Variants in FAF1 observed in about 807,000 individuals in gnomAD.
FAF1 encodes Fas associated factor 1, also known as FAS-associated factor 1.
FAF1 carries 25 observed loss-of-function variants against 92.5 expected under a neutral mutation model. The observed-to-expected ratio is 0.27, with a 90% CI of 0.20 to 0.38. The LOEUF (loss-of-function observed/expected upper bound fraction) is 0.38, where lower values mean the gene tolerates loss of function less well. FAF1 is among the 10% of genes least tolerant of loss of function. The probability of loss-of-function intolerance (pLI) is 1.00; values close to 1 mark genes in which losing one functional copy is unlikely to be tolerated. For missense variants in FAF1, 636 were observed against 793.3 expected (o/e 0.80, Z 2.38); for synonymous variants, 234 against 273.2 (o/e 0.86, Z 1.42).
At chr1:50,794,037 A>G (rs1456289121) in intron 3 of FAF1, among the ~76,000 whole-genome samples, 1 of 152,232 alleles carries the variant, frequency 6.6e-6, no homozygotes, top group African/African-American at 2.4e-5. Context: ...AAAAAAACTG[A>G]AATGTGAAAT....
chr1:50,756,475 T>C (rs555705598), intron 4 of FAF1, among the ~76,000 whole-genome samples: 33 of 151,452 alleles, frequency 2.2e-4, no homozygotes, highest in African/African-American at 7.9e-4. Flanking sequence ...TTCCAAACTT[T>C]CCTGCATTTT....
chr1:50,882,592 A>T (rs2124689993), intron 1 of FAF1, among the ~76,000 whole-genome samples: 1 of 148,458 alleles, frequency 6.7e-6, no homozygotes, highest in Non-Finnish European at 1.5e-5. Flanking sequence ...ACAGAGCAAG[A>T]CTCTGTCTTA....
chr1:50,848,292 G>C (rs746067365), intron 2 of FAF1, among the ~76,000 whole-genome samples: 65 of 152,156 alleles, frequency 4.3e-4, no homozygotes, highest in Non-Finnish European at 7.5e-4. Flanking sequence ...TAAATTGCAT[G>C]ACAAAAATAA....
intron 15 of FAF1, among the ~76,000 whole-genome samples, chr1:50,494,988 G>C (rs1034630475): frequency 1.3e-5 from 2 of 151,920 alleles, no homozygotes; most frequent in African/African-American, 4.8e-5. Context: ...AATTTTTTTT[G>C]AGTACATAGT....
At chr1:50,912,178 G>T (rs1342316334) in intron 1 of FAF1, among the ~76,000 whole-genome samples, 4 of 152,192 alleles carry the variant, frequency 2.6e-5, no homozygotes, top group African/African-American at 9.7e-5. Flanking sequence ...GGCTTGAGCT[G>T]CCGCTAGACA....
intron 1 of FAF1, among the ~76,000 whole-genome samples, chr1:50,887,263 G>T (rs1028849988): frequency 6.6e-6 from 1 of 152,076 alleles, no homozygotes; most frequent in African/African-American, 2.4e-5. Flanking sequence ...TTCTTTGTAG[G>T]TTCTGGATAT....
At chr1:50,954,541 T>TA (rs11421409) in intron 1 of FAF1, among the ~76,000 whole-genome samples, 1 of 458 alleles carries the variant, frequency 2.2e-3, no homozygotes, top group African/African-American at 3.9e-3. Flanking sequence ...AAAATTTTGA[T>TA]TTTTTTTTTT....
intron 2 of FAF1, among the ~76,000 whole-genome samples, chr1:50,841,845 T>C (rs944540067): frequency 7.2e-5 from 11 of 152,076 alleles, no homozygotes; most frequent in Non-Finnish European, 1.2e-4. Context: ...CCTGAATAAA[T>C]TAATGATTCC....
chr1:50,450,814 A>T (rs564177840), intron 18 of FAF1, among the ~76,000 whole-genome samples: 18 of 152,340 alleles, frequency 1.2e-4, no homozygotes, highest in South Asian at 6.2e-4. Context: ...ACAATTATTA[A>T]TAATAATTAT....
chr1:50,799,343 G>C (rs184237137), intron 3 of FAF1, among the ~76,000 whole-genome samples: 1 of 152,160 alleles, frequency 6.6e-6, no homozygotes, highest in Admixed American at 6.5e-5. Context: ...ATTAAATGAA[G>C]AAAAATATGT....
chr1:50,596,315 T>C, intron 8 of FAF1, 99 bp from the exon 9 acceptor site: 1 of 845,762 alleles, frequency 1.2e-6, no homozygotes, highest in Non-Finnish European at 1.9e-6. Flanking sequence ...TGAAGCTAGA[T>C]TAGAAAGCTA....
chr1:50,808,168 A>G (rs183542449), intron 2 of FAF1, among the ~76,000 whole-genome samples: 1 of 152,332 alleles, frequency 6.6e-6, no homozygotes, highest in Non-Finnish European at 1.5e-5. Flanking sequence ...AATAAGCTTC[A>G]TAAGAAAAGG....
intron 4 of FAF1, among the ~76,000 whole-genome samples, chr1:50,774,971 T>TA (rs1426824324): frequency 1.3e-5 from 2 of 152,174 alleles, no homozygotes; most frequent in African/African-American, 4.8e-5. Context: ...GTCACTGTGA[T>TA]ACAAAGTTCT....
chr1:50,670,472 A>G (rs1655825169), intron 7 of FAF1, among the ~76,000 whole-genome samples: 1 of 152,214 alleles, frequency 6.6e-6, no homozygotes, highest in African/African-American at 2.4e-5. Context: ...AGTAGAAAAT[A>G]TAGAGCAACA....
intron 1 of FAF1, 142 bp downstream of exon 1, chr1:50,959,625 A>G: frequency 6.0e-6 from 3 of 503,156 alleles, no homozygotes; most frequent in Non-Finnish European, 1.1e-5. Flanking sequence ...AGCTCGCCAC[A>G]CACACACACA....
intron 4 of FAF1, among the ~76,000 whole-genome samples, chr1:50,775,024 T>C (rs1310983133): frequency 1.3e-5 from 2 of 152,136 alleles, no homozygotes; most frequent in African/African-American, 4.8e-5. Flanking sequence ...TGCATCTTCC[T>C]GGTAATAACG....
At position 50,788,028 on chromosome 1, in the gene FAF1, A is replaced by G; in HGVS notation, c.339T>C (p.Asp113=). ...FRVEYRDRNV[D]VVLEDTCTVG... ...CAGTACAGGTGTCTTCAAGTACCAC[A>G]TCAACATTTCTGTCTCTGTATTCAA... Residue 113 remains aspartate, a synonymous_variant, in exon 4 of 19, where the codon GAT becomes GAC. Transcript: ENST00000396153. 1 of 1,614,152 alleles carries G rather than the reference A, an allele frequency of 6.2e-7. No homozygotes were observed. Among genetic ancestry groups the G allele is most frequent in the Non-Finnish European group, 8.5e-7 (1 of 1,180,018 alleles).
At chr1:50,761,043 G>T (rs553765946) in intron 4 of FAF1, among the ~76,000 whole-genome samples, 21 of 152,328 alleles carry the variant, frequency 1.4e-4, no homozygotes, top group Admixed American at 5.9e-4. Context: ...ACTACCATCA[G>T]AGAATACTAC....
chr1:50,573,763 A>C (rs1000239489), intron 12 of FAF1, among the ~76,000 whole-genome samples: 4 of 151,784 alleles, frequency 2.6e-5, no homozygotes, highest in Admixed American at 2.6e-4. Context: ...GAGGACACAG[A>C]TATCTGAATC....
Sources: gnomAD v4.1 joint callset for allele counts (sites outside exome capture counted in the v4.1 genomes callset) on GRCh38, gnomAD v4.1.1 for gene constraint, MANE v1.5 for transcripts, NCBI Gene and HGNC (gene_info 2026-07-23, HGNC 2026-07-21) for gene names.